SCFD2: variants seen among roughly 807,000 people sequenced by gnomAD.
SCFD2 encodes sec1 family domain containing 2.
SCFD2 carries 54 observed loss-of-function variants against 58.9 expected under a neutral mutation model. The ratio of observed to expected loss-of-function variants is 0.92; its 90% CI spans 0.74 to 1.15. The LOEUF (loss-of-function observed/expected upper bound fraction) is 1.15, where lower values mean the gene tolerates loss of function less well. Ranked by LOEUF, SCFD2 falls within the 50% of genes most tolerant of loss-of-function variation. The probability of loss-of-function intolerance (pLI) is 0.00; values close to 1 mark genes in which losing one functional copy is unlikely to be tolerated. For synonymous variants in SCFD2, 321 were observed against 335.9 expected, an observed-to-expected ratio of 0.96 and a Z score of 0.49; for missense variants, 805 against 836.6, an observed-to-expected ratio of 0.96 and a Z score of 0.47.
At chr4:53,071,982 A>C (rs1723828970) in intron 5 of SCFD2, among the ~76,000 whole-genome samples, 1 of 152,162 alleles carries the variant, frequency 6.6e-6, no homozygotes. Flanking sequence ...GCAATGCTTC[A>C]CTACCACCAC....
intron 2 of SCFD2, among the ~76,000 whole-genome samples, chr4:53,337,805 A>G (rs1733730211): frequency 6.6e-6 from 1 of 152,216 alleles, no homozygotes; most frequent in African/African-American, 2.4e-5. Flanking sequence ...CTGACACAAG[A>G]GTATACACTA....
intron 2 of SCFD2, among the ~76,000 whole-genome samples, chr4:53,335,596 T>C (rs1348176026): frequency 6.6e-6 from 1 of 152,200 alleles, no homozygotes; most frequent in Admixed American, 6.5e-5. Flanking sequence ...GAGAAATAAA[T>C]ACTAAAATAT....
At chr4:53,248,353 C>T (rs1219245181) in intron 4 of SCFD2, among the ~76,000 whole-genome samples, 1 of 152,206 alleles carries the variant, frequency 6.6e-6, no homozygotes, top group Non-Finnish European at 1.5e-5. Flanking sequence ...GGGAGGGGCG[C>T]CCGCCATTGC....
chr4:53,236,102 G>A (rs1402953417), intron 4 of SCFD2, among the ~76,000 whole-genome samples: 2 of 152,168 alleles, frequency 1.3e-5, no homozygotes, highest in African/African-American at 4.8e-5. Context: ...TTGAGTCAGT[G>A]GGTTGGGGAA....
intron 5 of SCFD2, among the ~76,000 whole-genome samples, chr4:52,990,256 T>G (rs779744335): frequency 1.3e-5 from 2 of 152,260 alleles, no homozygotes; most frequent in Non-Finnish European, 1.5e-5. Flanking sequence ...ATGTTTCTAA[T>G]GAGACAAAGC....
Position 53,151,707 on chromosome 4 carries a change from C to T in SCFD2, c.1312-6125G>A, listed in dbSNP as rs922921901. Reference sequence around the variant, plus strand: ...TGGAGAACCCATCTCTGCAACTCATCGTGTTAGTCCATTTGTGTTGCTATG... The same window carrying T: ...TGGAGAACCCATCTCTGCAACTCATTGTGTTAGTCCATTTGTGTTGCTATG... On this transcript the variant is annotated intron_variant, in intron 4 of 8. Coordinates refer to ENST00000401642, the MANE Select transcript of SCFD2 (RefSeq NM_152540.4). Among the ~76,000 whole-genome samples, 15 of 152,146 alleles carry T rather than the reference C, an allele frequency of 9.9e-5. No homozygotes were observed. In the East Asian group the frequency reaches 1.2e-3, roughly 12 times the overall value.
intron 4 of SCFD2, among the ~76,000 whole-genome samples, chr4:53,160,463 A>G (rs1262131637): frequency 1.3e-5 from 2 of 152,198 alleles, no homozygotes; most frequent in East Asian, 3.8e-4. Flanking sequence ...TTGTTGCTAG[A>G]CTGAATACGG....
At position 53,112,325 on chromosome 4, in the gene SCFD2, C is replaced by G. The variant is rs569698549; in HGVS notation, c.1561+33008G>C. Among the ~76,000 whole-genome samples the G allele has an allele frequency of 2.6e-4, 40 of 152,252 alleles. 1 individual carries two copies. The highest frequency in any genetic ancestry group is 2.2e-3 in the Admixed American group (33 of 15,274). Reference sequence around the variant, plus strand: ...TAAACATCTTATATTACAAAAGACTCTAGCCTTAATGCATAAATTAATTTA... The same window carrying G: ...TAAACATCTTATATTACAAAAGACTGTAGCCTTAATGCATAAATTAATTTA... On this transcript the variant is annotated intron_variant, in intron 5 of 8. Transcript: ENST00000401642.
intron 5 of SCFD2, among the ~76,000 whole-genome samples, chr4:52,931,743 G>C (rs1354789035): frequency 2.6e-5 from 4 of 152,220 alleles, no homozygotes; most frequent in Admixed American, 2.0e-4. Context: ...ATCTCAGAGA[G>C]AGTGACATGG....
intron 5 of SCFD2, among the ~76,000 whole-genome samples, chr4:53,044,439 G>A (rs1722975563): frequency 6.6e-6 from 1 of 151,732 alleles, no homozygotes; most frequent in African/African-American, 2.4e-5. Flanking sequence ...CCTGGTTTCT[G>A]GAGAACCAAA....
intron 5 of SCFD2, among the ~76,000 whole-genome samples, chr4:53,136,947 T>C (rs1725960047): frequency 6.6e-6 from 1 of 152,222 alleles, no homozygotes. Flanking sequence ...CTGTAAAAAA[T>C]TTTAATATTA....
chr4:52,986,169 T>G lies in SCFD2; in HGVS notation c.1562-65299A>C, dbSNP rs549146829. ...GCCTCTTTGCCCCGTGAGAATTACC[T>G]CCCCACCTTTCTTCCCTCTGCCCGT... On this transcript the variant is annotated intron_variant, in intron 5 of 8. Transcript: ENST00000401642. 2.3e-4 allele frequency among the ~76,000 whole-genome samples: 35 copies of G among 151,764 alleles called. No homozygotes were observed. The South Asian group carries it at 4.2e-3, about 18-fold the overall frequency.
intron 5 of SCFD2, among the ~76,000 whole-genome samples, chr4:53,097,264 A>T (rs995214372): frequency 3.3e-5 from 5 of 152,214 alleles, no homozygotes; most frequent in African/African-American, 1.2e-4. Flanking sequence ...AGGCATTGGT[A>T]GCTTGATGGG....
rs1730472646 is a variant in SCFD2, at chr4:53,253,389, GTATATACCCAAA to G, written c.1311+20425_1311+20436del. 5.3e-5 allele frequency among the ~76,000 whole-genome samples: 8 copies of G among 152,046 alleles called. No homozygotes were observed. The South Asian group carries it at 1.7e-3, about 32-fold the overall frequency. On this transcript the variant is annotated intron_variant, in intron 4 of 8. Transcript: ENST00000401642. ...TTTGACCCAGCCATCCCATTACTGG[GTATATACCCAAA>G]GGACTATAAATCATGCTGCTATAAA...
intron 5 of SCFD2, among the ~76,000 whole-genome samples, chr4:53,050,731 G>T (rs1560314460): frequency 6.6e-6 from 1 of 152,158 alleles, no homozygotes; most frequent in Non-Finnish European, 1.5e-5. Flanking sequence ...GCTTCTCACT[G>T]CTTTGTTACC....
chr4:53,108,063 G>A lies in SCFD2; in HGVS notation c.1561+37270C>T, dbSNP rs369162245. The stretch of plus-strand genomic sequence containing the variant: ...CAATCAAACTAGAACTCAGGATTAA[G>A]AAACTCACTCAAAACCCCACAACTA... On this transcript the variant is annotated intron_variant, in intron 5 of 8. Transcript: ENST00000401642. Among the ~76,000 whole-genome samples, 476 of 152,298 alleles carry A rather than the reference G, an allele frequency of 3.1e-3. 1 individual carries two copies. Among genetic ancestry groups the A allele is most frequent in the African/African-American group, 0.011 (442 of 41,568 alleles).
intron 6 of SCFD2, 100 bp from the exon 7 acceptor site, chr4:52,907,691 T>G: frequency 9.7e-7 from 1 of 1,034,426 alleles, no homozygotes; most frequent in Non-Finnish European, 1.5e-6. Flanking sequence ...TTTATTTTGA[T>G]ACTGAGCAAT....
chr4:53,027,050 C>T (rs1722492605), intron 5 of SCFD2, among the ~76,000 whole-genome samples: 1 of 152,158 alleles, frequency 6.6e-6, no homozygotes, highest in Admixed American at 6.5e-5. Context: ...TCCTTAAGTT[C>T]CTAATTGACC....
chr4:53,003,748 T>C (rs527832722), intron 5 of SCFD2, among the ~76,000 whole-genome samples: 1 of 152,318 alleles, frequency 6.6e-6, no homozygotes. Context: ...TAAGTTATGA[T>C]GTACATTTGG....
Sources: allele counts gnomAD v4.1 joint callset (sites outside exome capture counted in the v4.1 genomes callset), GRCh38; gene constraint gnomAD v4.1.1; transcripts MANE v1.5; gene names NCBI Gene and HGNC (gene_info 2026-07-23, HGNC 2026-07-21).